GNA12: variants seen among roughly 807,000 people sequenced by gnomAD.
The protein encoded by GNA12 is G protein subunit alpha 12.
In GNA12, 9 loss-of-function variants were observed where a neutral mutation model predicts 26.0. That is an observed-to-expected ratio of 0.35 (90% confidence interval 0.21 to 0.60). GNA12 has a LOEUF of 0.60. Among genes scored for constraint, GNA12 ranks in the 20% least tolerant of loss-of-function variants. GNA12 has a pLI of 0.78. For missense variants in GNA12, 405 were observed against 525.8 expected (o/e 0.77, Z 2.25); for synonymous variants, 264 against 219.6 (o/e 1.20, Z -1.79).
At chr7:2,742,884 C>T (rs1790579684) in intron 2 of GNA12, among the ~76,000 whole-genome samples, 1 of 152,174 alleles carries the variant, frequency 6.6e-6, no homozygotes, top group Non-Finnish European at 1.5e-5. Flanking sequence ...TGGCTTGTGC[C>T]TAGTCACCCT....
intron 2 of GNA12, among the ~76,000 whole-genome samples, chr7:2,737,834 G>C (rs1216726377): frequency 6.6e-6 from 1 of 152,192 alleles, no homozygotes; most frequent in Non-Finnish European, 1.5e-5. Context: ...ATTAAAGTTA[G>C]CATTTGATTT....
At chr7:2,766,437 G>C (rs1201054033) in intron 2 of GNA12, among the ~76,000 whole-genome samples, 1 of 149,144 alleles carries the variant, frequency 6.7e-6, no homozygotes, top group Non-Finnish European at 1.5e-5. Flanking sequence ...CCAGGCTGGA[G>C]TGCAGTGGTG....
intron 1 of GNA12, among the ~76,000 whole-genome samples, chr7:2,835,426 T>A (rs942464036): frequency 9.9e-5 from 15 of 152,182 alleles, no homozygotes; most frequent in African/African-American, 3.6e-4. Flanking sequence ...CCGGTCCCTT[T>A]AACTGGCATG....
At chr7:2,816,253 A>G (rs1793216433) in intron 1 of GNA12, among the ~76,000 whole-genome samples, 1 of 70,674 alleles carries the variant, frequency 1.4e-5, no homozygotes, top group Non-Finnish European at 3.4e-5. Flanking sequence ...TTTTTTTGAG[A>G]TAGTCTTGAT....
intron 2 of GNA12, among the ~76,000 whole-genome samples, chr7:2,782,122 C>T (rs1376481665): frequency 3.3e-5 from 5 of 152,124 alleles, no homozygotes; most frequent in African/African-American, 4.8e-5. Flanking sequence ...TGGATTTGGA[C>T]CCCTACCTCA....
intron 2 of GNA12, among the ~76,000 whole-genome samples, chr7:2,739,476 C>G (rs1226198344): frequency 8.8e-6 from 1 of 113,816 alleles, no homozygotes; most frequent in Non-Finnish European, 2.0e-5. Context: ...CATTTTACGG[C>G]CAATATATAT....
Position 2,826,815 on chromosome 7 carries a change from AAGG to A in GNA12, c.309+17035_309+17037del, listed in dbSNP as rs1793494816. Among the ~76,000 whole-genome samples the A allele has an allele frequency of 2.0e-5, 3 of 152,312 alleles. No individual in the cohort carries two copies. In the South Asian group the frequency reaches 6.2e-4, roughly 32 times the overall value. On this transcript the variant is annotated intron_variant, in intron 1 of 3. Coordinates refer to ENST00000275364, the MANE Select transcript of GNA12 (RefSeq NM_007353.3). ...GGAAGGAGGGATGAACAGGTAGAAC[AAGG>A]AGGATTTTTAGGGCAGTGAAACTAT...
At chr7:2,735,033 A>AG (rs1319244389) in intron 2 of GNA12, among the ~76,000 whole-genome samples, 1 of 152,196 alleles carries the variant, frequency 6.6e-6, no homozygotes, top group Non-Finnish European at 1.5e-5. Context: ...GGCTGTGCCA[A>AG]GTCCCCCCGG....
At chr7:2,758,960 T>C (rs1791428506) in intron 2 of GNA12, among the ~76,000 whole-genome samples, 1 of 151,856 alleles carries the variant, frequency 6.6e-6, no homozygotes, top group Admixed American at 6.6e-5. Context: ...CCTGATATGG[T>C]GAAACACCGT....
chr7:2,734,748 C>G (rs752547158), intron 2 of GNA12, among the ~76,000 whole-genome samples: 1 of 152,206 alleles, frequency 6.6e-6, no homozygotes, highest in African/African-American at 2.4e-5. Context: ...CAGAAACACA[C>G]GTCTCCCCAT....
chr7:2,797,974 T>G (rs1484365996), intron 1 of GNA12, among the ~76,000 whole-genome samples: 1 of 151,998 alleles, frequency 6.6e-6, no homozygotes, highest in Admixed American at 6.5e-5. Context: ...CTTTGCAAAC[T>G]AGGAACAGAG....
At chr7:2,736,993 T>A (rs798520) in intron 2 of GNA12, among the ~76,000 whole-genome samples, 48 of 152,164 alleles carry the variant, frequency 3.2e-4, no homozygotes, top group African/African-American at 1.2e-3. Flanking sequence ...CTGCTCCTAA[T>A]TGGAGCCTTT....
At chr7:2,753,165 T>TA (rs869161467) in intron 2 of GNA12, among the ~76,000 whole-genome samples, 178 of 147,186 alleles carry the variant, frequency 1.2e-3, no homozygotes, top group African/African-American at 3.9e-3. Flanking sequence ...TTTTTTTTTT[T>TA]AAAAAAAGAG....
intron 2 of GNA12, among the ~76,000 whole-genome samples, chr7:2,783,379 G>A (rs1230749034): frequency 6.6e-6 from 1 of 152,108 alleles, no homozygotes; most frequent in African/African-American, 2.4e-5. Flanking sequence ...CCATGGGTGG[G>A]ATTTAGTTTG....
In GNA12 at chr7:2,777,741, C is replaced by A. The variant is rs184868332; in HGVS notation, c.525+17187G>T. 1.8e-4 allele frequency among the ~76,000 whole-genome samples: 27 copies of A among 152,318 alleles called. No individual in the cohort carries two copies. The South Asian group carries it at 5.4e-3, about 30-fold the overall frequency. On this transcript the variant is annotated intron_variant, in intron 2 of 3. Transcript: ENST00000275364. The stretch of plus-strand genomic sequence containing the variant: ...CCTCTGAACTGTGAAAAATATATGT[C>A]TGTTTTCAAGCCACACAGTGTGTGG...
chr7:2,735,594 A>G lies in GNA12; in HGVS notation c.526-2093T>C, dbSNP rs750855082. Among the ~76,000 whole-genome samples, 4 of 152,306 alleles carry G rather than the reference A, an allele frequency of 2.6e-5. No homozygotes were observed. In the South Asian group the frequency reaches 6.2e-4, roughly 24 times the overall value. On this transcript the variant is annotated intron_variant, in intron 2 of 3. Transcript: ENST00000275364. Reference sequence around the variant, plus strand: ...AGTCTAAACACCCCTCGAGTCTGCAATCAGTCCCCCAGCTGCACTTCACAA... The same window carrying G: ...AGTCTAAACACCCCTCGAGTCTGCAGTCAGTCCCCCAGCTGCACTTCACAA...
At chr7:2,770,088 T>C (rs1791910816) in intron 2 of GNA12, among the ~76,000 whole-genome samples, 1 of 152,228 alleles carries the variant, frequency 6.6e-6, no homozygotes, top group Non-Finnish European at 1.5e-5. Context: ...CCTGGTACTG[T>C]GAGGAAAATA....
chr7:2,757,000 G>C (rs1791329272), intron 2 of GNA12, among the ~76,000 whole-genome samples: 1 of 152,144 alleles, frequency 6.6e-6, no homozygotes, highest in Admixed American at 6.5e-5. Flanking sequence ...CTTGAGCTGG[G>C]GAGTTCGAGG....
intron 2 of GNA12, among the ~76,000 whole-genome samples, chr7:2,776,973 C>T (rs1792093637): frequency 2.0e-5 from 3 of 152,068 alleles, no homozygotes; most frequent in Non-Finnish European, 1.5e-5. Flanking sequence ...AAACCTTACA[C>T]TGGAATTCCA....
Sources: allele counts gnomAD v4.1 joint callset (sites outside exome capture counted in the v4.1 genomes callset), GRCh38; gene constraint gnomAD v4.1.1; transcripts MANE v1.5; gene names NCBI Gene and HGNC (gene_info 2026-07-23, HGNC 2026-07-21).